The following ADAMTS17 variants were observed in gnomAD, a reference collection of about 807,000 sequenced individuals.
The protein encoded by ADAMTS17 is A disintegrin and metalloproteinase with thrombospondin motifs 17.
In ADAMTS17, 113 loss-of-function variants were observed where a neutral mutation model predicts 141.5. The observed-to-expected ratio is 0.80, with a 90% CI of 0.69 to 0.93. ADAMTS17 has a LOEUF of 0.93. ADAMTS17 is among the 40% of genes least tolerant of loss of function. The probability of loss-of-function intolerance (pLI) is 0.00; values close to 1 mark genes in which losing one functional copy is unlikely to be tolerated. For synonymous variants in ADAMTS17, 768 were observed against 630.6 expected (o/e 1.22, Z -3.27); for missense variants, 1,659 against 1,517.9 (o/e 1.09, Z -1.54).
At chr15:100,236,709 G>A (rs902661232) in intron 7 of ADAMTS17, among the ~76,000 whole-genome samples, 1 of 152,056 alleles carries the variant, frequency 6.6e-6, no homozygotes, top group Non-Finnish European at 1.5e-5. Context: ...ATAGTGGTGC[G>A]TGCCTCTTGT....
chr15:100,110,197 A>G (rs2036671935), intron 13 of ADAMTS17, among the ~76,000 whole-genome samples: 1 of 134,986 alleles, frequency 7.4e-6, no homozygotes, highest in Admixed American at 7.1e-5. Flanking sequence ...ATACTGATAT[A>G]TATATATCAG....
Position 100,066,247 on chromosome 15 carries a change from T to A in ADAMTS17, c.2138-12193A>T, listed in dbSNP as rs193126854. On this transcript the variant is annotated intron_variant, in intron 15 of 21. Coordinates refer to ENST00000268070, the MANE Select transcript of ADAMTS17 (RefSeq NM_139057.4). The stretch of plus-strand genomic sequence containing the variant: ...TAATAGCTTTTATCATGAAGAGGTA[T>A]TAAAGTTAATAAAATGTTTTTGTGC... Among the ~76,000 whole-genome samples, 29 of 152,278 alleles carry A rather than the reference T, an allele frequency of 1.9e-4. No homozygotes were observed. The South Asian group carries it at 5.0e-3, about 26-fold the overall frequency.
intron 8 of ADAMTS17, among the ~76,000 whole-genome samples, chr15:100,163,720 G>C (rs559021457): frequency 6.6e-6 from 1 of 152,196 alleles, no homozygotes; most frequent in Non-Finnish European, 1.5e-5. Flanking sequence ...GGAAATCTGG[G>C]TATGAAGGAT....
chr15:100,267,740 A>G (rs1399139062), intron 4 of ADAMTS17, among the ~76,000 whole-genome samples: 1 of 152,008 alleles, frequency 6.6e-6, no homozygotes, highest in Non-Finnish European at 1.5e-5. Flanking sequence ...TTTTATTTCT[A>G]ATCTTTGTGG....
intron 2 of ADAMTS17, among the ~76,000 whole-genome samples, chr15:100,339,651 TCCCCGCCCCAGG>T (rs1304006681): frequency 7.4e-5 from 8 of 108,748 alleles, no homozygotes; most frequent in African/African-American, 1.5e-4. Context: ...AGGTCCACAT[TCCCCGCCCCAGG>T]TCCACATTCC....
chr15:100,193,274 G>A (rs1018846910), intron 8 of ADAMTS17, among the ~76,000 whole-genome samples: 1 of 152,214 alleles, frequency 6.6e-6, no homozygotes, highest in Non-Finnish European at 1.5e-5. Context: ...GGGAGCTGAC[G>A]GAGTAGAGAG....
intron 19 of ADAMTS17, among the ~76,000 whole-genome samples, chr15:99,994,137 G>A (rs536275028): frequency 2.6e-5 from 4 of 152,202 alleles, no homozygotes; most frequent in South Asian, 4.1e-4. Flanking sequence ...CCACAGCCTC[G>A]GGAAGACAAA....
intron 7 of ADAMTS17, among the ~76,000 whole-genome samples, chr15:100,201,969 C>T (rs1458967325): frequency 3.3e-5 from 5 of 152,190 alleles, no homozygotes; most frequent in Admixed American, 6.5e-5. Flanking sequence ...CAGCAGTGCC[C>T]GCCCAGCCCT....
chr15:100,162,307 T>C (rs2039727322), intron 8 of ADAMTS17, among the ~76,000 whole-genome samples: 1 of 151,032 alleles, frequency 6.6e-6, no homozygotes, highest in African/African-American at 2.4e-5. Context: ...TGTAGACATA[T>C]ATACGTACAT....
At chr15:100,104,040 A>G (rs2036278045) in intron 14 of ADAMTS17, among the ~76,000 whole-genome samples, 1 of 152,248 alleles carries the variant, frequency 6.6e-6, no homozygotes, top group South Asian at 2.1e-4. Flanking sequence ...GTACCAAGGA[A>G]GTAGGAACTG....
intron 20 of ADAMTS17, among the ~76,000 whole-genome samples, chr15:99,986,434 C>T (rs754903134): frequency 1.3e-4 from 20 of 152,176 alleles, no homozygotes; most frequent in Non-Finnish European, 2.5e-4. Context: ...GATCCTTGAA[C>T]ATGTATTGCA....
intron 3 of ADAMTS17, among the ~76,000 whole-genome samples, chr15:100,306,921 A>C (rs1008509524): frequency 3.3e-5 from 5 of 152,190 alleles, no homozygotes; most frequent in Non-Finnish European, 7.3e-5. Flanking sequence ...CCACAGCTTG[A>C]ACATGACTTC....
At chr15:100,127,820 G>A (rs1000481720) in intron 12 of ADAMTS17, among the ~76,000 whole-genome samples, 3 of 152,076 alleles carry the variant, frequency 2.0e-5, no homozygotes, top group African/African-American at 7.2e-5. Context: ...GACCTCAGGT[G>A]ATCCACCTGC....
At chr15:100,233,077 C>A (rs2042538573) in intron 7 of ADAMTS17, among the ~76,000 whole-genome samples, 1 of 152,150 alleles carries the variant, frequency 6.6e-6, no homozygotes, top group African/African-American at 2.4e-5. Flanking sequence ...GCCTATAATC[C>A]TAGCACTTTG....
chr15:100,206,598 G>C (rs1311330426), intron 7 of ADAMTS17, among the ~76,000 whole-genome samples: 7 of 152,202 alleles, frequency 4.6e-5, no homozygotes, highest in African/African-American at 1.7e-4. Context: ...TGGTGGGTTA[G>C]AATGCCCTCC....
chr15:100,040,614 T>A (rs2031160748), intron 18 of ADAMTS17, among the ~76,000 whole-genome samples: 1 of 150,790 alleles, frequency 6.6e-6, no homozygotes, highest in Non-Finnish European at 1.5e-5. Flanking sequence ...CTGTCACCTG[T>A]GAACCTGGTA....
chr15:100,233,829 C>A (rs2042567804), intron 7 of ADAMTS17, among the ~76,000 whole-genome samples: 1 of 151,884 alleles, frequency 6.6e-6, no homozygotes, highest in South Asian at 2.1e-4. Flanking sequence ...GCGAGCCTGG[C>A]AAGGGAAGGA....
At chr15:100,080,008 T>C (rs1182661734) in intron 15 of ADAMTS17, among the ~76,000 whole-genome samples, 1 of 152,200 alleles carries the variant, frequency 6.6e-6, no homozygotes, top group Admixed American at 6.5e-5. Flanking sequence ...GGCAAAGTTC[T>C]CCAGCAGGCC....
At chr15:100,056,587 C>G (rs925683809) in intron 15 of ADAMTS17, among the ~76,000 whole-genome samples, 1 of 152,154 alleles carries the variant, frequency 6.6e-6, no homozygotes, top group African/African-American at 2.4e-5. Context: ...ATCTAATGTC[C>G]CACTTCTGAT....
Sources: allele counts gnomAD v4.1 joint callset (sites outside exome capture counted in the v4.1 genomes callset), GRCh38; gene constraint gnomAD v4.1.1; transcripts MANE v1.5; gene names NCBI Gene and HGNC (gene_info 2026-07-23, HGNC 2026-07-21).